The following UNC5D variants were observed in gnomAD, a reference collection of about 807,000 sequenced individuals.
UNC5D encodes the protein netrin receptor UNC5D.
UNC5D carries 39 observed loss-of-function variants against 105.4 expected under a neutral mutation model. That is an observed-to-expected ratio of 0.37 (90% CI 0.29 to 0.48). UNC5D has a LOEUF of 0.48. UNC5D is among the 20% of genes least tolerant of loss of function. UNC5D has a pLI of 0.98. For missense variants in UNC5D, 991 were observed against 1,202.4 expected (o/e 0.82, Z 2.60); for synonymous variants, 452 against 450.4 (o/e 1.00, Z -0.04).
chr8:35,291,702 C>A (rs1807079877), intron 1 of UNC5D, among the ~76,000 whole-genome samples: 1 of 152,166 alleles, frequency 6.6e-6, no homozygotes, highest in Admixed American at 6.5e-5. Context: ...ACTTCTGATA[C>A]CGCTTGATTC....
chr8:35,616,452 C>T (rs897056774), intron 4 of UNC5D, among the ~76,000 whole-genome samples: 1 of 152,196 alleles, frequency 6.6e-6, no homozygotes, highest in African/African-American at 2.4e-5. Context: ...CTCCATTTTG[C>T]TGGGCATGTC....
chr8:35,768,005 T>G (rs1442161863), intron 15 of UNC5D, among the ~76,000 whole-genome samples: 1 of 150,150 alleles, frequency 6.7e-6, no homozygotes, highest in Admixed American at 6.7e-5. Context: ...AAAATAAATA[T>G]ATATATACAT....
chr8:35,380,087 T>G (rs899887249), intron 1 of UNC5D, among the ~76,000 whole-genome samples: 48 of 26,292 alleles, frequency 1.8e-3, no homozygotes, highest in East Asian at 3.1e-3. Flanking sequence ...TAATTGGGGG[T>G]GGGGGGGGGG....
intron 1 of UNC5D, among the ~76,000 whole-genome samples, chr8:35,262,119 A>G (rs1460232417): frequency 6.6e-6 from 1 of 152,224 alleles, no homozygotes; most frequent in Non-Finnish European, 1.5e-5. Context: ...TTTAACAGTC[A>G]TATGGGGTTC....
intron 1 of UNC5D, among the ~76,000 whole-genome samples, chr8:35,452,689 C>T (rs565531362): frequency 1.3e-4 from 20 of 152,134 alleles, no homozygotes; most frequent in Admixed American, 1.0e-3. Context: ...ATTTAAAGCA[C>T]GAAAACAGTG....
At chr8:35,383,548 T>C (rs1027806011) in intron 1 of UNC5D, among the ~76,000 whole-genome samples, 5 of 152,094 alleles carry the variant, frequency 3.3e-5, no homozygotes, top group African/African-American at 1.2e-4. Flanking sequence ...AATGAATAAA[T>C]ACACAGATAA....
chr8:35,774,282 C>T lies in UNC5D; in HGVS notation c.2479-17C>T. 1 of 1,613,540 alleles carries T rather than the reference C, an allele frequency of 6.2e-7. No individual in the cohort carries two copies. The highest frequency in any genetic ancestry group is 1.1e-5 in the South Asian group (1 of 91,062). ...TTTCAGATAGATCTGATCATGCGTT[C>T]CTTATTTTGTTTATAGAGTGAACGA... On this transcript the variant is annotated splice_polypyrimidine_tract_variant and intron_variant, in intron 15 of 16. Coordinates refer to ENST00000404895, the MANE Select transcript of UNC5D (RefSeq NM_080872.4).
chr8:35,734,335 CAAAAAAAAA>C (rs10657691), intron 11 of UNC5D, among the ~76,000 whole-genome samples: 1 of 28,288 alleles, frequency 3.5e-5, no homozygotes, highest in African/African-American at 1.1e-4. Flanking sequence ...TAATCACTGT[CAAAAAAAAA>C]AAAAAAAAAA....
At chr8:35,675,494 A>G (rs1298335064) in intron 4 of UNC5D, among the ~76,000 whole-genome samples, 4 of 152,218 alleles carry the variant, frequency 2.6e-5, no homozygotes. Flanking sequence ...TTTAGAAATC[A>G]TAAAGCTGAG....
Position 35,792,829 on chromosome 8 carries a change from T to G in UNC5D, c.*2266T>G, listed in dbSNP as rs1044554887. 3 of 339,964 alleles carry G rather than the reference T, an allele frequency of 8.8e-6. No homozygotes were observed. Among genetic ancestry groups the G allele is most frequent in the Non-Finnish European group, 1.7e-5 (3 of 178,420 alleles). The allele number at this position is 339,964 out of a possible 1,614,324, so 21.1% of individuals were successfully genotyped here. A position where few individuals can be genotyped will look rare whatever the true frequency, so the allele number is the denominator to read the frequency against. On this transcript the variant is annotated 3_prime_UTR_variant, in exon 17 of 17. Transcript: ENST00000404895. ...CTCTGTGAATCTACATAGGTCTTTTTTTTTAGATGTTTGATACATTTTAAG... is the reference window on the plus strand; with the variant it reads ...CTCTGTGAATCTACATAGGTCTTTTGTTTTAGATGTTTGATACATTTTAAG...
chr8:35,298,964 T>C (rs1456508308), intron 1 of UNC5D, among the ~76,000 whole-genome samples: 1 of 152,218 alleles, frequency 6.6e-6, no homozygotes, highest in Non-Finnish European at 1.5e-5. Context: ...ATTTCAAAAT[T>C]GGTACACCTG....
At chr8:35,692,237 T>C (rs190558489) in intron 7 of UNC5D, among the ~76,000 whole-genome samples, 113 of 152,318 alleles carry the variant, frequency 7.4e-4, no homozygotes, top group African/African-American at 2.7e-3. Context: ...ATCCCCAAGC[T>C]ACATCTAATA....
chr8:35,249,391 C>G (rs1237674574), intron 1 of UNC5D, among the ~76,000 whole-genome samples: 1 of 149,528 alleles, frequency 6.7e-6, no homozygotes, highest in Non-Finnish European at 1.5e-5. Context: ...AACCCCATCT[C>G]TACTGAAAAT....
At chr8:35,499,419 C>T (rs374471733) in intron 1 of UNC5D, among the ~76,000 whole-genome samples, 4 of 152,112 alleles carry the variant, frequency 2.6e-5, no homozygotes, top group Non-Finnish European at 5.9e-5. Context: ...CTTAACTGAC[C>T]GAATGACAGA....
chr8:35,263,173 C>T (rs1032052495), intron 1 of UNC5D, among the ~76,000 whole-genome samples: 1 of 152,162 alleles, frequency 6.6e-6, no homozygotes, highest in African/African-American at 2.4e-5. Context: ...CTATTTAACC[C>T]TCTAAGCCCA....
chr8:35,540,187 C>A (rs1234276464), intron 1 of UNC5D, among the ~76,000 whole-genome samples: 9 of 152,172 alleles, frequency 5.9e-5, no homozygotes, highest in African/African-American at 1.9e-4. Context: ...ACAAATGTAT[C>A]CATTGTTGGG....
chr8:35,792,963 C>G lies in UNC5D; in HGVS notation c.*2400C>G. ...TCCCTGAATGTCTGGAGTTACCTCCCATGGATTTTTTTTTCCTTTGGCCTG... is the reference window on the plus strand; with the variant it reads ...TCCCTGAATGTCTGGAGTTACCTCCGATGGATTTTTTTTTCCTTTGGCCTG... On this transcript the variant is annotated 3_prime_UTR_variant, in exon 17 of 17. Coordinates refer to ENST00000404895, the MANE Select transcript of UNC5D (RefSeq NM_080872.4). The G allele has an allele frequency of 2.2e-6, 1 of 452,786 alleles. No individual in the cohort carries two copies. Among genetic ancestry groups the G allele is most frequent in the Non-Finnish European group, 4.4e-6 (1 of 226,002 alleles). 28.0% of individuals were successfully genotyped at this position (452,786 alleles called of 1,614,324 possible).
At chr8:35,755,239 T>A (rs1830461501) in intron 13 of UNC5D, among the ~76,000 whole-genome samples, 1 of 152,154 alleles carries the variant, frequency 6.6e-6, no homozygotes, top group South Asian at 2.1e-4. Flanking sequence ...ACCCTATCTA[T>A]CTTATCTAAG....
chr8:35,731,389 A>G (rs1829183371), intron 11 of UNC5D, among the ~76,000 whole-genome samples: 1 of 119,514 alleles, frequency 8.4e-6, no homozygotes, highest in African/African-American at 3.5e-5. Context: ...CAACAGTGAG[A>G]CTCTGTCTCC....
Sources: gnomAD v4.1 joint callset for allele counts (sites outside exome capture counted in the v4.1 genomes callset) on GRCh38, gnomAD v4.1.1 for gene constraint, MANE v1.5 for transcripts, NCBI Gene and HGNC (gene_info 2026-07-23, HGNC 2026-07-21) for gene names.